JAKMIP3: variants seen among roughly 807,000 people sequenced by gnomAD.
The protein encoded by JAKMIP3 is janus kinase and microtubule-interacting protein 3.
A neutral mutation model predicts 118.5 loss-of-function variants in JAKMIP3; 58 were observed. The observed-to-expected ratio is 0.49, with a 90% CI of 0.40 to 0.61. The LOEUF (loss-of-function observed/expected upper bound fraction) is 0.61. Among genes scored for constraint, JAKMIP3 ranks in the 20% least tolerant of loss-of-function variants. The probability of loss-of-function intolerance (pLI) is 0.00; values close to 1 mark genes in which losing one functional copy is unlikely to be tolerated. For synonymous variants in JAKMIP3, 486 were observed against 451.2 expected (o/e 1.08, Z -0.98); for missense variants, 950 against 1,109.0 (o/e 0.86, Z 2.04).
intron 3 of JAKMIP3, among the ~76,000 whole-genome samples, chr10:132,128,117 T>G (rs1196435845): frequency 6.6e-6 from 1 of 152,256 alleles, no homozygotes; most frequent in Non-Finnish European, 1.5e-5. Context: ...CAAAGGACGC[T>G]CTCTACTTTT....
intron 23 of JAKMIP3, chr10:132,181,652 T>C (rs2061492924): frequency 6.6e-6 from 1 of 152,280 alleles, no homozygotes; most frequent in Non-Finnish European, 1.5e-5. Flanking sequence ...AACATGTATG[T>C]GTCATTTGAC....
intron 11 of JAKMIP3, among the ~76,000 whole-genome samples, chr10:132,143,262 C>T (rs1025542288): frequency 2.2e-4 from 33 of 152,130 alleles, no homozygotes; most frequent in African/African-American, 7.0e-4. Flanking sequence ...TTGCATGACC[C>T]TTGGAGAAAG....
intron 1 of JAKMIP3, among the ~76,000 whole-genome samples, chr10:132,055,848 C>T (rs1296035398): frequency 6.6e-6 from 1 of 152,180 alleles, no homozygotes; most frequent in Non-Finnish European, 1.5e-5. Flanking sequence ...TAGCCTTCTC[C>T]CCATGGGGTT....
At chr10:132,076,374 A>G (rs1281382611) in intron 1 of JAKMIP3, among the ~76,000 whole-genome samples, 1 of 152,266 alleles carries the variant, frequency 6.6e-6, no homozygotes, top group African/African-American at 2.4e-5. Flanking sequence ...ATATCCTATC[A>G]CGTGGATAGA....
At position 132,183,642 on chromosome 10, in the gene JAKMIP3, C is replaced by T. The variant is rs1467623261; in HGVS notation, c.*2389C>T. 1 of 152,150 alleles carries T rather than the reference C, an allele frequency of 6.6e-6. No homozygotes were observed. Among genetic ancestry groups the T allele is most frequent in the African/African-American group, 2.4e-5 (1 of 41,430 alleles). 9.4% of individuals were successfully genotyped at this position (152,150 alleles called of 1,614,324 possible). On this transcript the variant is annotated 3_prime_UTR_variant, in exon 24 of 24. Transcript: ENST00000684848. Reference sequence around the variant, plus strand: ...GTGCAAGGAATGTGCTGAATAACATCCAAACTGCATCGCGTCTCTGCCCCA... The same window carrying T: ...GTGCAAGGAATGTGCTGAATAACATTCAAACTGCATCGCGTCTCTGCCCCA...
At chr10:132,114,407 T>C (rs1264100147) in intron 2 of JAKMIP3, among the ~76,000 whole-genome samples, 1 of 152,198 alleles carries the variant, frequency 6.6e-6, no homozygotes, top group Admixed American at 6.5e-5. Context: ...ATTTTTTTTG[T>C]ACAGATGGGG....
At chr10:132,053,075 T>G (rs1423514955) in intron 1 of JAKMIP3, among the ~76,000 whole-genome samples, 1 of 152,232 alleles carries the variant, frequency 6.6e-6, no homozygotes, top group Non-Finnish European at 1.5e-5. Flanking sequence ...GGGGTTTCTC[T>G]GAGACCTGGG....
At chr10:132,127,937 A>G (rs943020691) in intron 3 of JAKMIP3, among the ~76,000 whole-genome samples, 2 of 152,204 alleles carry the variant, frequency 1.3e-5, no homozygotes, top group Non-Finnish European at 2.9e-5. Context: ...TATGATTGTC[A>G]TATATTTTAC....
intron 1 of JAKMIP3, among the ~76,000 whole-genome samples, chr10:132,082,265 G>T (rs2134227065): frequency 6.6e-6 from 1 of 151,868 alleles, no homozygotes; most frequent in African/African-American, 2.4e-5. Flanking sequence ...TGGGGAACAG[G>T]TGGTGTTCGG....
At chr10:132,151,733 A>G (rs1367107293) in intron 16 of JAKMIP3, among the ~76,000 whole-genome samples, 1 of 152,076 alleles carries the variant, frequency 6.6e-6, no homozygotes. Flanking sequence ...GCCCAGCCCC[A>G]TAGCTGTCCA....
At chr10:132,166,730 T>A (rs2814171) in intron 21 of JAKMIP3, among the ~76,000 whole-genome samples, 4 of 152,024 alleles carry the variant, frequency 2.6e-5, no homozygotes, top group Non-Finnish European at 5.9e-5. Context: ...GTGGGGCCCC[T>A]GACCAGCGCC....
At chr10:132,147,049 C>T (rs1489767107) in intron 13 of JAKMIP3, among the ~76,000 whole-genome samples, 3 of 152,258 alleles carry the variant, frequency 2.0e-5, no homozygotes, top group African/African-American at 7.2e-5. Context: ...TGTGCACGTA[C>T]ACACATGCGC....
chr10:132,149,498 C>T lies in JAKMIP3; in HGVS notation c.1935C>T (p.Ala645=), dbSNP rs199817578. 38 of 1,591,496 alleles carry T rather than the reference C, an allele frequency of 2.4e-5. No individual in the cohort carries two copies. Among genetic ancestry groups the T allele is most frequent in the Admixed American group, 5.2e-5 (3 of 58,118 alleles). The change falls in exon 15 of 24, where the codon GCC becomes GCT. Residue 645 remains alanine (A), a synonymous_variant. Transcript: ENST00000684848. The part of the protein sequence containing the change: ...GKSPLQVYCE[A]EGVTDIVVAE... Reference sequence around the variant, plus strand: ...GCCCCCTCCAGGTGTACTGCGAGGCCGAAGGTGTGACGGTGAGTCCCGCCC... The same window carrying T: ...GCCCCCTCCAGGTGTACTGCGAGGCTGAAGGTGTGACGGTGAGTCCCGCCC...
chr10:132,050,283 G>T (rs1406274353), intron 1 of JAKMIP3, among the ~76,000 whole-genome samples: 4 of 152,190 alleles, frequency 2.6e-5, no homozygotes, highest in Non-Finnish European at 5.9e-5. Context: ...TGGCTGCTTG[G>T]GTTCTCTGAG....
At position 132,077,713 on chromosome 10, in the gene JAKMIP3, C is replaced by T. The variant is rs527481111; in HGVS notation, c.-138+11652C>T. Among the ~76,000 whole-genome samples, 9 of 152,286 alleles carry T rather than the reference C, an allele frequency of 5.9e-5. No individual in the cohort carries two copies. The South Asian group carries it at 1.5e-3, about 25-fold the overall frequency. On this transcript the variant is annotated intron_variant, in intron 1 of 23. Coordinates refer to ENST00000684848, the MANE Select transcript of JAKMIP3 (RefSeq NM_001323087.2). Reference sequence around the variant, plus strand: ...TTGCCCTGGCTGGAGTGCAATGGCACGATCTCAGCTCACTGCAACCTCCAC... The same window carrying T: ...TTGCCCTGGCTGGAGTGCAATGGCATGATCTCAGCTCACTGCAACCTCCAC...
At chr10:132,135,201 A>G in intron 5 of JAKMIP3, 41 bp downstream of exon 5, 1 of 1,564,044 alleles carries the variant, frequency 6.4e-7, no homozygotes, top group Middle Eastern at 2.3e-4. Flanking sequence ...GGGGTTTGTG[A>G]CTGCGGAGCT....
At chr10:132,119,481 A>G (rs1034996277) in intron 3 of JAKMIP3, among the ~76,000 whole-genome samples, 3 of 152,140 alleles carry the variant, frequency 2.0e-5, no homozygotes. Context: ...CTTACTTCAA[A>G]AACCGTCTCC....
At chr10:132,145,633 G>C in intron 13 of JAKMIP3, 53 bp downstream of exon 13, 2 of 1,444,276 alleles carry the variant, frequency 1.4e-6, no homozygotes, top group South Asian at 1.2e-5. Context: ...TGCTCCTGGG[G>C]GTTGCAGTGG....
intron 1 of JAKMIP3, among the ~76,000 whole-genome samples, chr10:132,093,511 C>T (rs9665550): frequency 6.6e-6 from 1 of 152,072 alleles, no homozygotes; most frequent in African/African-American, 2.4e-5. Context: ...ATGAGCGAGG[C>T]TCCGTGGGCG....
Sources: gnomAD v4.1 joint callset for allele counts (sites outside exome capture counted in the v4.1 genomes callset) on GRCh38, gnomAD v4.1.1 for gene constraint, MANE v1.5 for transcripts, NCBI Gene and HGNC (gene_info 2026-07-23, HGNC 2026-07-21) for gene names.